Variants in ARHGAP26 observed in about 807,000 individuals in gnomAD.
ARHGAP26 encodes the protein Rho GTPase activating protein 26, also known as rho GTPase-activating protein 26.
A neutral mutation model predicts 104.8 loss-of-function variants in ARHGAP26; 38 were observed. That is an observed-to-expected ratio of 0.36 (90% CI 0.28 to 0.48). The LOEUF is 0.48. Among genes scored for constraint, ARHGAP26 ranks in the 20% least tolerant of loss-of-function variants. ARHGAP26 has a pLI of 0.99. For missense variants in ARHGAP26, 704 were observed against 947.9 expected, an observed-to-expected ratio of 0.74 and a Z score of 3.38; for synonymous variants, 341 against 340.0, an observed-to-expected ratio of 1.00 and a Z score of -0.03.
intron 11 of ARHGAP26, among the ~76,000 whole-genome samples, chr5:142,935,309 A>C (rs954885397): frequency 6.6e-6 from 1 of 152,130 alleles, no homozygotes; most frequent in South Asian, 2.1e-4. Context: ...CCAAGCTTAC[A>C]TCTTATTATT....
chr5:143,000,339 A>T (rs1402122290), intron 11 of ARHGAP26, among the ~76,000 whole-genome samples: 1 of 152,270 alleles, frequency 6.6e-6, no homozygotes, highest in East Asian at 1.9e-4. Flanking sequence ...CCTTTGGACC[A>T]GCTTTATGAT....
At chr5:142,776,664 A>G (rs1756383868) in intron 1 of ARHGAP26, among the ~76,000 whole-genome samples, 1 of 152,112 alleles carries the variant, frequency 6.6e-6, no homozygotes. Context: ...GGTCATTTCC[A>G]GTTTTTTGCT....
intron 18 of ARHGAP26, among the ~76,000 whole-genome samples, chr5:143,122,951 T>G (rs893580850): frequency 1.1e-4 from 16 of 152,262 alleles, no homozygotes; most frequent in African/African-American, 3.9e-4. Context: ...TTATAGGGCA[T>G]GTAATAAAAT....
At chr5:142,835,772 AC>A (rs1368901911) in intron 1 of ARHGAP26, among the ~76,000 whole-genome samples, 1 of 152,218 alleles carries the variant, frequency 6.6e-6, no homozygotes, top group African/African-American at 2.4e-5. Context: ...CATAATAAAA[AC>A]CCAATAGTGG....
At chr5:143,134,462 T>C (rs763335294) in intron 19 of ARHGAP26, among the ~76,000 whole-genome samples, 1 of 152,126 alleles carries the variant, frequency 6.6e-6, no homozygotes. Context: ...GTCCTTTCCT[T>C]TTCTCGGTTG....
intron 11 of ARHGAP26, among the ~76,000 whole-genome samples, chr5:142,935,060 A>G (rs922105152): frequency 6.6e-6 from 1 of 152,134 alleles, no homozygotes; most frequent in Non-Finnish European, 1.5e-5. Flanking sequence ...AGCATTATGG[A>G]TTTTATCTAC....
chr5:142,801,387 AT>A (rs1327929676), intron 1 of ARHGAP26, among the ~76,000 whole-genome samples: 1 of 152,156 alleles, frequency 6.6e-6, no homozygotes, highest in African/African-American at 2.4e-5. Flanking sequence ...TCATTCAGTC[AT>A]CAGAACTTTA....
intron 11 of ARHGAP26, among the ~76,000 whole-genome samples, chr5:142,985,260 A>C (rs1390169762): frequency 6.6e-6 from 1 of 152,046 alleles, no homozygotes; most frequent in East Asian, 1.9e-4. Context: ...TACAAGAATC[A>C]AAAAGTTAAA....
Position 143,106,466 on chromosome 5 carries a change from C to CTTTTTTT in ARHGAP26, c.1539-14504_1539-14498dup, listed in dbSNP as rs70991793. ...CTCCTTTGGAATACAATGCATTGGG[C>CTTTTTTT]TTTTTTTTTTTTTTTTTTTTTTTTG... On this transcript the variant is annotated intron_variant, in intron 17 of 22. Transcript: ENST00000645722. Among the ~76,000 whole-genome samples, 69 of 77,304 alleles carry CTTTTTTT rather than the reference C, an allele frequency of 8.9e-4. 5 individuals are homozygous for CTTTTTTT. The highest frequency in any genetic ancestry group is 8.5e-3 in the East Asian group (18 of 2,130). The allele number at this position is 77,304 out of a possible 152,430, so 50.7% of individuals were successfully genotyped here.
In ARHGAP26 at chr5:142,902,112, A is replaced by C. The variant is rs550660572; in HGVS notation, c.702+73A>C. ...AAAATATGGGCCTGATTGCCCTAGA[A>C]ACCATCCAGGTGGCTTGGAATGTAG... On this transcript the variant is annotated intron_variant, in intron 7 of 22. Coordinates refer to ENST00000645722, the MANE Select transcript of ARHGAP26 (RefSeq NM_001135608.3). The C allele has an allele frequency of 4.4e-6, 6 of 1,360,080 alleles. No individual in the cohort carries two copies. The Admixed American group carries it at 5.5e-5, about 13-fold the overall frequency. The allele number at this position is 1,360,080 out of a possible 1,614,324, so 84.3% of individuals were successfully genotyped here. A position where few individuals can be genotyped will look rare whatever the true frequency, so the allele number is the denominator to read the frequency against.
chr5:142,968,515 GAATA>G, intron 11 of ARHGAP26, among the ~76,000 whole-genome samples: 2 of 152,278 alleles, frequency 1.3e-5, no homozygotes, highest in African/African-American at 4.8e-5. Context: ...AGTAGTATGA[GAATA>G]ATTACCCTCA....
chr5:142,989,107 T>G (rs1775215112), intron 11 of ARHGAP26, among the ~76,000 whole-genome samples: 1 of 152,192 alleles, frequency 6.6e-6, no homozygotes, highest in African/African-American at 2.4e-5. Flanking sequence ...ATTCTCCCAT[T>G]ATTATTGTGT....
intron 11 of ARHGAP26, among the ~76,000 whole-genome samples, chr5:142,979,380 G>T (rs1007919664): frequency 6.6e-6 from 1 of 152,114 alleles, no homozygotes; most frequent in African/African-American, 2.4e-5. Context: ...GCTTTTTTCT[G>T]GCTCAGTCTG....
intron 11 of ARHGAP26, among the ~76,000 whole-genome samples, chr5:142,970,812 G>C (rs190278790): frequency 1.3e-5 from 2 of 152,306 alleles, no homozygotes; most frequent in Admixed American, 1.3e-4. Flanking sequence ...GTAAGATGTG[G>C]GTGGACAAGG....
chr5:142,894,422 A>C (rs992507031), intron 6 of ARHGAP26, 74 bp downstream of exon 6: 1 of 1,387,234 alleles, frequency 7.2e-7, no homozygotes, highest in African/African-American at 1.4e-5. Context: ...AGATTACAAA[A>C]TGCTCTAAGT....
intron 10 of ARHGAP26, among the ~76,000 whole-genome samples, chr5:142,928,547 G>A (rs1764250044): frequency 6.6e-6 from 1 of 152,150 alleles, no homozygotes; most frequent in Admixed American, 6.5e-5. Context: ...GCTCTCTGGG[G>A]GCTGCGGTGC....
intron 17 of ARHGAP26, among the ~76,000 whole-genome samples, chr5:143,114,074 A>G (rs1795114744): frequency 6.6e-6 from 1 of 152,184 alleles, no homozygotes; most frequent in South Asian, 2.1e-4. Flanking sequence ...GCCTGCCTCA[A>G]AGGGTTCTCC....
intron 1 of ARHGAP26, among the ~76,000 whole-genome samples, chr5:142,781,354 A>T (rs1286897882): frequency 1.5e-5 from 2 of 132,256 alleles, no homozygotes; most frequent in East Asian, 4.0e-4. Context: ...TGCAAGTTTG[A>T]TATGGTTAAC....
chr5:142,845,236 G>A (rs1438042957), intron 1 of ARHGAP26, among the ~76,000 whole-genome samples: 1 of 152,214 alleles, frequency 6.6e-6, no homozygotes, highest in Non-Finnish European at 1.5e-5. Context: ...AAGCTACTGT[G>A]TGTTGATCGT....
Sources: allele counts gnomAD v4.1 joint callset (sites outside exome capture counted in the v4.1 genomes callset), GRCh38; gene constraint gnomAD v4.1.1; transcripts MANE v1.5; gene names NCBI Gene and HGNC (gene_info 2026-07-23, HGNC 2026-07-21).